Variants in RALGAPB observed in about 807,000 individuals in gnomAD.
RALGAPB encodes the protein ral GTPase-activating protein subunit beta.
In RALGAPB, 25 loss-of-function variants were observed where a neutral mutation model predicts 161.1. The ratio of observed to expected loss-of-function variants is 0.16; its 90% CI spans 0.11 to 0.22. The LOEUF is 0.22. Among genes scored for constraint, RALGAPB ranks in the 10% least tolerant of loss-of-function variants. The pLI is 1.00. For synonymous variants in RALGAPB, 629 were observed against 626.1 expected, an observed-to-expected ratio of 1.00 and a Z score of -0.07; for missense variants, 1,391 against 1,815.2, an observed-to-expected ratio of 0.77 and a Z score of 4.25.
intron 1 of RALGAPB, among the ~76,000 whole-genome samples, chr20:38,486,669 G>C (rs1313870349): frequency 6.6e-6 from 1 of 151,992 alleles, no homozygotes; most frequent in Non-Finnish European, 1.5e-5. Context: ...CCAATAATAT[G>C]CTGTGATGGA....
intron 26 of RALGAPB, chr20:38,568,707 G>A (rs2088107861): frequency 6.6e-6 from 1 of 152,142 alleles, no homozygotes; most frequent in African/African-American, 2.4e-5. Flanking sequence ...AAAACGCCAG[G>A]GTGTTGGGCA....
intron 18 of RALGAPB, among the ~76,000 whole-genome samples, chr20:38,544,750 G>C (rs550842579): frequency 1.2e-4 from 19 of 152,256 alleles, no homozygotes; most frequent in Admixed American, 4.6e-4. Flanking sequence ...TTACAGGTGT[G>C]AGCCTTCTGC....
At chr20:38,554,152 T>A in intron 22 of RALGAPB, 76 bp downstream of exon 22, 1 of 1,314,444 alleles carries the variant, frequency 7.6e-7, no homozygotes, top group Non-Finnish European at 1.1e-6. Flanking sequence ...AATATTTTTA[T>A]CAGGATAGAA....
chr20:38,498,507 T>C (rs916793166), intron 4 of RALGAPB, among the ~76,000 whole-genome samples: 17 of 152,250 alleles, frequency 1.1e-4, no homozygotes, highest in African/African-American at 4.1e-4. Context: ...GCAATGATAG[T>C]AATACTCTGT....
rs1298353916 is a variant in RALGAPB at position 38,565,341 on chromosome 20, G to C, written c.3698-18G>C. 4 of 1,612,498 alleles carry C rather than the reference G, an allele frequency of 2.5e-6. No homozygotes were observed. The highest frequency in any genetic ancestry group is 2.5e-6 in the Non-Finnish European group (3 of 1,179,178). On this transcript the variant is annotated intron_variant, in intron 24 of 29. Transcript: ENST00000262879. ...CTACTTTTTGAAGCGGTAATGTAGT[G>C]TTTCTTTTTCCCAGAAGAAGTGATT... is the stretch of plus-strand genomic sequence containing the variant.
At chr20:38,561,051 G>T (rs1043710855) in intron 23 of RALGAPB, among the ~76,000 whole-genome samples, 1 of 152,260 alleles carries the variant, frequency 6.6e-6, no homozygotes, top group African/African-American at 2.4e-5. Context: ...TTTAGGCCGG[G>T]TGTGGTGGCT....
intron 22 of RALGAPB, among the ~76,000 whole-genome samples, chr20:38,555,463 C>G (rs1370117839): frequency 6.6e-6 from 1 of 151,566 alleles, no homozygotes; most frequent in African/African-American, 2.4e-5. Context: ...AATAAAAGAG[C>G]AGAGAGAGGA....
chr20:38,520,232 T>C (rs1170342263), intron 9 of RALGAPB: 1 of 854,614 alleles, frequency 1.2e-6, no homozygotes, highest in African/African-American at 1.8e-5. Context: ...ATTTCTATTA[T>C]CTTGCAGCAT....
intron 10 of RALGAPB, among the ~76,000 whole-genome samples, chr20:38,522,936 G>A (rs1237251422): frequency 6.6e-6 from 1 of 152,152 alleles, no homozygotes; most frequent in Non-Finnish European, 1.5e-5. Flanking sequence ...TGCCAGAACT[G>A]CTTCATTCTT....
At chr20:38,574,722 C>G in intron 29 of RALGAPB, 52 bp from the exon 30 acceptor site, 1 of 1,495,680 alleles carries the variant, frequency 6.7e-7, no homozygotes, top group Non-Finnish European at 9.3e-7. Context: ...TACAGTTCAC[C>G]TACGTAAGTG....
intron 6 of RALGAPB, among the ~76,000 whole-genome samples, chr20:38,515,817 G>A (rs1350115915): frequency 1.3e-5 from 2 of 151,656 alleles, no homozygotes; most frequent in African/African-American, 2.4e-5. Context: ...CTGCAGCCTC[G>A]GCCTTGAACT....
At chr20:38,532,907 A>C in intron 15 of RALGAPB, 48 bp downstream of exon 15, 5 of 1,565,512 alleles carry the variant, frequency 3.2e-6, no homozygotes, top group Non-Finnish European at 4.4e-6. Flanking sequence ...AATGACTTTA[A>C]TGCTTACATT....
Position 38,558,468 on chromosome 20 carries a change from T to A in RALGAPB, c.3531+15T>A, listed in dbSNP as rs1324274936. 1 of 486,096 alleles carries A rather than the reference T, an allele frequency of 2.1e-6. No individual in the cohort carries two copies. Among genetic ancestry groups the A allele is most frequent in the Admixed American group, 5.3e-5 (1 of 18,912 alleles). 30.1% of individuals were successfully genotyped at this position (486,096 alleles called of 1,614,324 possible). ...CGAACCAAGAGGTAAGAGTTACGAA[T>A]TTTTTTTTTTTGGTATGTTTTTGTG... is the stretch of plus-strand genomic sequence containing the variant. On this transcript the variant is annotated intron_variant, in intron 23 of 29. Transcript: ENST00000262879.
intron 9 of RALGAPB, among the ~76,000 whole-genome samples, 185 bp downstream of exon 9, chr20:38,518,185 C>A (rs766692020): frequency 3.3e-5 from 5 of 152,098 alleles, no homozygotes; most frequent in Non-Finnish European, 7.4e-5. Flanking sequence ...CCTCCCTGTT[C>A]TTTTTATGTA....
intron 23 of RALGAPB, among the ~76,000 whole-genome samples, chr20:38,559,618 C>T (rs558335799): frequency 3.9e-5 from 6 of 152,240 alleles, no homozygotes; most frequent in Admixed American, 3.3e-4. Context: ...TGCTTGAACC[C>T]GGGAAGCAGA....
In RALGAPB at chr20:38,567,084, T is replaced by A; in HGVS notation, c.3818-12T>A. ...TATGTATTATAGTTGCTTTTTTTCC[T>A]TTACCCCATAGCTGATTCATTGGAA... On this transcript the variant is annotated splice_polypyrimidine_tract_variant and intron_variant, in intron 25 of 29. Transcript: ENST00000262879. 1 of 1,610,514 alleles carries A rather than the reference T, an allele frequency of 6.2e-7. No homozygotes were observed. Among genetic ancestry groups the A allele is most frequent in the Non-Finnish European group, 8.5e-7 (1 of 1,178,302 alleles).
At chr20:38,512,209 G>A (rs1267901600) in intron 6 of RALGAPB, among the ~76,000 whole-genome samples, 3 of 152,058 alleles carry the variant, frequency 2.0e-5, no homozygotes, top group Non-Finnish European at 4.4e-5. Context: ...ATGTTATTTT[G>A]CATATTATAT....
chr20:38,549,148 A>G (rs1282290632), intron 20 of RALGAPB, among the ~76,000 whole-genome samples: 2 of 152,136 alleles, frequency 1.3e-5, no homozygotes. Context: ...GGGACTTTTG[A>G]TTTGTCCGCA....
Position 38,535,119 on chromosome 20 carries a change from A to G in RALGAPB, c.2291A>G (p.His764Arg), listed in dbSNP as rs1335008066. ...GCTGGGCTCCTGATTCGCAGCATTCATCTCGTCACCCAAAGACTCAACTCC... is the reference window on the plus strand; with the variant it reads ...GCTGGGCTCCTGATTCGCAGCATTCGTCTCGTCACCCAAAGACTCAACTCC... ...SAAGLLIRSI[H>R]LVTQRLNSQW... The change falls in exon 16 of 30, where the codon CAT (histidine) becomes CGT (arginine). Residue 764 changes from histidine (H) to arginine (R), a missense_variant. This residue lies in a region of RALGAPB where 946 missense variants were observed against 1,257.2 expected (regional missense o/e 0.75). Coordinates refer to ENST00000262879, the MANE Select transcript of RALGAPB (RefSeq NM_020336.4). 1.2e-6 allele frequency: 2 copies of G among 1,614,016 alleles called. No individual in the cohort carries two copies. The highest frequency in any genetic ancestry group is 1.7e-6 in the Non-Finnish European group (2 of 1,179,850).
Sources: gnomAD v4.1 joint callset for allele counts (sites outside exome capture counted in the v4.1 genomes callset) on GRCh38, gnomAD v4.1.1 for gene constraint, gnomAD v4.1.1 regional missense constraint, MANE v1.5 for transcripts, NCBI Gene and HGNC (gene_info 2026-07-23, HGNC 2026-07-21) for gene names.